The following SMG7 variants were observed in gnomAD, a reference collection of about 807,000 sequenced individuals.
SMG7 encodes SMG7 nonsense mediated mRNA decay factor, also known as nonsense-mediated mRNA decay factor SMG7.
Under a neutral mutation model 148.2 loss-of-function variants are expected in SMG7, and 34 were observed. The observed-to-expected ratio is 0.23, with a 90% CI of 0.17 to 0.31. The LOEUF (loss-of-function observed/expected upper bound fraction) is 0.31. SMG7 is among the 10% of genes least tolerant of loss of function. The probability of loss-of-function intolerance (pLI) is 1.00; values close to 1 mark genes in which losing one functional copy is unlikely to be tolerated. For missense variants in SMG7, 1,114 were observed against 1,408.4 expected (o/e 0.79, Z 3.35); for synonymous variants, 492 against 515.1 (o/e 0.96, Z 0.61).
At chr1:183,504,389 G>A (rs1660431930) in intron 1 of SMG7, among the ~76,000 whole-genome samples, 3 of 152,082 alleles carry the variant, frequency 2.0e-5, no homozygotes, top group African/African-American at 7.2e-5. Context: ...TGTCCAGGCT[G>A]TAGTACAATG....
At chr1:183,520,475 T>C (rs907587924) in intron 4 of SMG7, among the ~76,000 whole-genome samples, 1 of 152,196 alleles carries the variant, frequency 6.6e-6, no homozygotes, top group Non-Finnish European at 1.5e-5. Flanking sequence ...TTTTGAAGCA[T>C]AATTCAGTTT....
chr1:183,516,241 C>CA (rs1267563161), intron 3 of SMG7, among the ~76,000 whole-genome samples: 4 of 150,096 alleles, frequency 2.7e-5, no homozygotes, highest in East Asian at 1.9e-4. Flanking sequence ...TAGGGCCTGT[C>CA]AAAAAAAACA....
At chr1:183,529,727 T>G (rs913936895) in intron 8 of SMG7, among the ~76,000 whole-genome samples, 194 bp downstream of exon 8, 1 of 152,182 alleles carries the variant, frequency 6.6e-6, no homozygotes, top group Non-Finnish European at 1.5e-5. Flanking sequence ...TAAACAAATA[T>G]AATATAGCAG....
chr1:183,547,692 A>G (rs1287511860), intron 18 of SMG7, among the ~76,000 whole-genome samples: 1 of 152,208 alleles, frequency 6.6e-6, no homozygotes, highest in African/African-American at 2.4e-5. Flanking sequence ...ATTACTGAAC[A>G]GTATATGGCT....
intron 15 of SMG7, 133 bp downstream of exon 15, chr1:183,544,630 A>G: frequency 1.0e-6 from 1 of 968,966 alleles, no homozygotes. Context: ...TAATACTTAT[A>G]AAATTATTTT....
intron 1 of SMG7, among the ~76,000 whole-genome samples, chr1:183,492,301 C>G (rs953553922): frequency 3.9e-5 from 6 of 152,190 alleles, no homozygotes; most frequent in African/African-American, 1.4e-4. Flanking sequence ...CATTAAATTA[C>G]TTTGATACCT....
In SMG7 at chr1:183,527,542, TCAAAATCAC is replaced by T; in HGVS notation, c.485-413_485-405del. The T allele has an allele frequency of 2.2e-6, 1 of 451,072 alleles. No individual in the cohort carries two copies. Among genetic ancestry groups the T allele is most frequent in the Admixed American group, 2.5e-5 (1 of 40,030 alleles). The allele number at this position is 451,072 out of a possible 1,614,324, so 27.9% of individuals were successfully genotyped here. On this transcript the variant is annotated intron_variant, in intron 5 of 22. Coordinates refer to ENST00000688051, the MANE Select transcript of SMG7 (RefSeq NM_001375584.1). The surrounding 1 kb of genome is among the most constrained non-coding windows in gnomAD (Gnocchi z 4.0). ...TATTGCAATAGGAATGAGACATTTT[TCAAAATCAC>T]TTTATAAAATATTGAAAAATACATA...
Position 183,472,513 on chromosome 1 carries a change from G to T in SMG7, c.-108G>T. 1 of 1,075,424 alleles carries T rather than the reference G, an allele frequency of 9.3e-7. No individual in the cohort carries two copies. 66.6% of individuals were successfully genotyped at this position (1,075,424 alleles called of 1,614,324 possible). On this transcript the variant is annotated 5_prime_UTR_variant, in exon 1 of 23. Coordinates refer to ENST00000688051, the MANE Select transcript of SMG7 (RefSeq NM_001375584.1). ...TGCCGAGCGAGGAGGAGCCGGAGGA[G>T]AGGAAGATGGCGGCGGCCGCCAGCA...
chr1:183,538,961 C>A (rs946652885), intron 12 of SMG7, among the ~76,000 whole-genome samples: 4 of 151,658 alleles, frequency 2.6e-5, no homozygotes, highest in African/African-American at 9.7e-5. Flanking sequence ...CTGGCTAACC[C>A]GGTGAAACCC....
intron 10 of SMG7, 110 bp downstream of exon 10, chr1:183,533,942 A>ATT (rs1667291813): frequency 1.2e-6 from 1 of 865,910 alleles, no homozygotes; most frequent in South Asian, 1.9e-5. Flanking sequence ...AGAATACTGT[A>ATT]TTTTCTGCCG....
At chr1:183,499,012 A>G (rs1363587066) in intron 1 of SMG7, among the ~76,000 whole-genome samples, 2 of 152,190 alleles carry the variant, frequency 1.3e-5, no homozygotes, top group African/African-American at 4.8e-5. Flanking sequence ...ATCCTATGGT[A>G]TATAGTCATT....
chr1:183,509,888 G>A (rs1430525450), intron 1 of SMG7, among the ~76,000 whole-genome samples: 1 of 152,088 alleles, frequency 6.6e-6, no homozygotes, highest in Non-Finnish European at 1.5e-5. Flanking sequence ...TTTATCAATG[G>A]AAGCCTGCTC....
intron 8 of SMG7, among the ~76,000 whole-genome samples, chr1:183,531,380 A>G (rs900664269): frequency 1.3e-5 from 2 of 152,118 alleles, no homozygotes; most frequent in African/African-American, 4.8e-5. Flanking sequence ...TCTCAACTGT[A>G]GTTGAAAGTT....
intron 4 of SMG7, among the ~76,000 whole-genome samples, chr1:183,518,162 A>G (rs1663990463): frequency 6.6e-6 from 1 of 151,972 alleles, no homozygotes; most frequent in South Asian, 2.1e-4. Context: ...TGCCCATGCT[A>G]GTCTTGAATT....
intron 15 of SMG7, 91 bp from the exon 16 acceptor site, chr1:183,544,839 T>C: frequency 7.8e-7 from 1 of 1,286,748 alleles, no homozygotes; most frequent in South Asian, 1.4e-5. Flanking sequence ...GTTAGAAGAC[T>C]CCCTCTACCT....
intron 14 of SMG7, among the ~76,000 whole-genome samples, chr1:183,543,690 C>A (rs1012822160): frequency 5.9e-5 from 9 of 152,218 alleles, no homozygotes; most frequent in Non-Finnish European, 1.3e-4. Flanking sequence ...TATCACCACA[C>A]TCTGTACCTC....
intron 3 of SMG7, 28 bp from the exon 4 acceptor site, chr1:183,517,660 A>G (rs140459813): frequency 1.2e-6 from 2 of 1,613,368 alleles, no homozygotes; most frequent in Non-Finnish European, 1.7e-6. Context: ...TCACTGCTAT[A>G]CCAAATAGAA....
At chr1:183,544,284 G>A in intron 14 of SMG7, 69 bp from the exon 15 acceptor site, 2 of 1,257,538 alleles carry the variant, frequency 1.6e-6, no homozygotes, top group Non-Finnish European at 2.3e-6. Flanking sequence ...TTTCTTAGGA[G>A]TAGGGTCTTC....
In SMG7 at chr1:183,553,360, G is replaced by C. The variant is rs1671354836; in HGVS notation, c.*1429G>C. 2.4e-6 allele frequency: 2 copies of C among 816,934 alleles called. No individual in the cohort carries two copies. Among genetic ancestry groups the C allele is most frequent in the South Asian group, 1.9e-5 (1 of 54,000 alleles). 50.6% of individuals were successfully genotyped at this position (816,934 alleles called of 1,614,324 possible). A position where few individuals can be genotyped will look rare whatever the true frequency, so the allele number is the denominator to read the frequency against. ...TGTTCAATTGCTGTGCTAGTGGTAGGGTTTATTTTCTGGGAGGTCTCTCCT... is the reference window on the plus strand; with the variant it reads ...TGTTCAATTGCTGTGCTAGTGGTAGCGTTTATTTTCTGGGAGGTCTCTCCT... On this transcript the variant is annotated 3_prime_UTR_variant, in exon 23 of 23. Transcript: ENST00000688051.
Sources: gnomAD v4.1 joint callset for allele counts (sites outside exome capture counted in the v4.1 genomes callset) on GRCh38, gnomAD v4.1.1 for gene constraint, Gnocchi (gnomAD v3.1) non-coding constraint, MANE v1.5 for transcripts, NCBI Gene and HGNC (gene_info 2026-07-23, HGNC 2026-07-21) for gene names.